Variants in CBFA2T3 observed in about 807,000 individuals in gnomAD.
CBFA2T3 encodes transcriptional corepressor CBFA2T3.
In CBFA2T3, 31 loss-of-function variants were observed where a neutral mutation model predicts 58.6. That is an observed-to-expected ratio of 0.53 (90% CI 0.40 to 0.71). The LOEUF is 0.71. CBFA2T3 is among the 30% of genes least tolerant of loss of function. CBFA2T3 has a pLI of 0.00. For synonymous variants in CBFA2T3, 531 were observed against 421.9 expected (o/e 1.26, Z -3.17); for missense variants, 1,076 against 963.1 (o/e 1.12, Z -1.55).
At chr16:88,894,263 G>A (rs1309707312) in intron 3 of CBFA2T3, among the ~76,000 whole-genome samples, 1 of 11,556 alleles carries the variant, frequency 8.7e-5, no homozygotes, top group African/African-American at 5.8e-4. Context: ...TGCACACAAT[G>A]TACACACATG....
chr16:88,969,657 C>T (rs189154314), intron 1 of CBFA2T3, among the ~76,000 whole-genome samples: 4 of 152,208 alleles, frequency 2.6e-5, no homozygotes, highest in East Asian at 1.9e-4. Flanking sequence ...GCCGGCCTGA[C>T]GACGCACAGA....
intron 1 of CBFA2T3, among the ~76,000 whole-genome samples, chr16:88,923,424 G>C (rs1393476885): frequency 1.3e-5 from 2 of 152,236 alleles, no homozygotes; most frequent in Admixed American, 1.3e-4. Flanking sequence ...GAGACCTCAA[G>C]CTGAGTGGGG....
chr16:88,891,013 C>G (rs11076734), intron 5 of CBFA2T3, among the ~76,000 whole-genome samples: 34,297 of 152,026 alleles, frequency 0.23, 4,209 homozygotes, highest in East Asian at 0.45. Flanking sequence ...AGGTTTGGGC[C>G]GGGCCGAGAG....
intron 1 of CBFA2T3, among the ~76,000 whole-genome samples, chr16:88,971,686 G>A (rs1307966464): frequency 1.3e-5 from 2 of 152,264 alleles, no homozygotes; most frequent in Non-Finnish European, 2.9e-5. Flanking sequence ...CCCAGCTGGA[G>A]TTCCTTCAAA....
At chr16:88,880,974 T>C (rs185572666) in intron 9 of CBFA2T3, 186 bp from the exon 10 acceptor site, 11 of 674,524 alleles carry the variant, frequency 1.6e-5, no homozygotes, top group East Asian at 1.6e-4. Context: ...ACGGGGGGCA[T>C]TGGAGCTGTG....
At chr16:88,948,747 TCA>T (rs1971970380) in intron 1 of CBFA2T3, among the ~76,000 whole-genome samples, 1 of 152,210 alleles carries the variant, frequency 6.6e-6, no homozygotes, top group South Asian at 2.1e-4. Context: ...TTGCCAAACC[TCA>T]GTTTTTCCTG....
At position 88,976,722 on chromosome 16, in the gene CBFA2T3, A is replaced by G; in HGVS notation, c.86T>C (p.Leu29Pro). The G allele has an allele frequency of 6.4e-7, 1 of 1,558,566 alleles. No homozygotes were observed. Among genetic ancestry groups the G allele is most frequent in the Non-Finnish European group, 8.7e-7 (1 of 1,151,208 alleles). Residue 29 changes from leucine (L) to proline (P), a missense_variant, in exon 1 of 12, where the codon CTG (leucine) becomes CCG (proline). Coordinates refer to ENST00000268679, the MANE Select transcript of CBFA2T3 (RefSeq NM_005187.6). The stretch of plus-strand genomic sequence containing the variant: ...GGCAGATGCCAGGAGGCCGCTCTCC[A>G]GCACAGGGTGCGTCTGGGACATGGA... ...CGSMSQTHPV[L>P]ESGLLASAGC... is the part of the protein sequence containing the mutation.
rs1013489606 is a variant in CBFA2T3, at chr16:88,953,134, G to A, written c.151+23523C>T. 2.6e-5 allele frequency among the ~76,000 whole-genome samples: 4 copies of A among 152,216 alleles called. No homozygotes were observed. The highest frequency in any genetic ancestry group is 5.9e-5 in the Non-Finnish European group (4 of 68,040). ...GGCCCCCAGTCCTGCTGGCCCCAGC[G>A]ATGACAGAGGAGGAGGAATGAGGAG... On this transcript the variant is annotated intron_variant, in intron 1 of 11. Coordinates refer to ENST00000268679, the MANE Select transcript of CBFA2T3 (RefSeq NM_005187.6). This position sits in a 1 kb window ranked among gnomAD's most constrained non-coding sequence, Gnocchi z 4.9.
At chr16:88,951,417 C>G (rs1272919921) in intron 1 of CBFA2T3, 2 of 429,800 alleles carry the variant, frequency 4.7e-6, no homozygotes, top group African/African-American at 2.0e-5. Context: ...TTAGCTGCGT[C>G]TTATTTTATT....
At chr16:88,965,674 C>T (rs970409459) in intron 1 of CBFA2T3, among the ~76,000 whole-genome samples, 6 of 152,324 alleles carry the variant, frequency 3.9e-5, no homozygotes, top group South Asian at 4.1e-4. Flanking sequence ...ATTTTAACAA[C>T]GTCTTGTCCA....
intron 5 of CBFA2T3, among the ~76,000 whole-genome samples, chr16:88,890,553 T>C (rs1392790815): frequency 6.6e-6 from 1 of 152,172 alleles, no homozygotes; most frequent in Non-Finnish European, 1.5e-5. Context: ...TCAGACACAT[T>C]TGGGGAACCT....
chr16:88,945,483 C>G (rs1739531740), intron 1 of CBFA2T3, among the ~76,000 whole-genome samples: 3 of 152,140 alleles, frequency 2.0e-5, no homozygotes, highest in African/African-American at 7.2e-5. Context: ...AAACAAACAG[C>G]CCCATTAAAA....
chr16:88,905,315 G>A (rs547012136), intron 1 of CBFA2T3, among the ~76,000 whole-genome samples: 22 of 152,216 alleles, frequency 1.4e-4, no homozygotes, highest in African/African-American at 5.3e-4. Flanking sequence ...CCAGTGCGGG[G>A]CTCAGGGCCA....
In CBFA2T3 at chr16:88,876,983, G is replaced by T; in HGVS notation, c.1955C>A (p.Pro652His). Residue 652 changes from proline (P) to histidine (H), a missense_variant, in exon 12 of 12, where the codon CCC (proline) becomes CAC (histidine). Pro to His is a moderately conservative substitution (Grantham distance 77, BLOSUM62 -2). Transcript: ENST00000268679. ...GGCCAGGGGCCAGTGGGGTCAGCGG[G>T]GCACGGTGTCCAGTGGGCCAGGTGG... The part of the protein sequence containing the change: ...PSPPGPLDTV[P>H]R The T allele has an allele frequency of 6.9e-7, 1 of 1,447,654 alleles. No individual in the cohort carries two copies. Among genetic ancestry groups the T allele is most frequent in the Non-Finnish European group, 9.0e-7 (1 of 1,105,972 alleles). 89.7% of individuals were successfully genotyped at this position (1,447,654 alleles called of 1,614,324 possible).
Position 88,876,317 on chromosome 16 carries a change from C to T in CBFA2T3, c.*659G>A, listed in dbSNP as rs1453259000. On this transcript the variant is annotated 3_prime_UTR_variant, in exon 12 of 12. Transcript: ENST00000268679. ...AAAAAAAAATCTGAAACCAAAAATGCATCTTGAGTCAGAAATCGAAATCTT... is the reference window on the plus strand; with the variant it reads ...AAAAAAAAATCTGAAACCAAAAATGTATCTTGAGTCAGAAATCGAAATCTT... The T allele has an allele frequency of 1.8e-5, 4 of 227,712 alleles. No individual in the cohort carries two copies. The highest frequency in any genetic ancestry group is 3.5e-5 in the Non-Finnish European group (4 of 114,630). 14.1% of individuals were successfully genotyped at this position (227,712 alleles called of 1,614,324 possible).
In CBFA2T3 at chr16:88,875,575, G is replaced by C. The variant is rs753227675; in HGVS notation, c.*1401C>G. On this transcript the variant is annotated 3_prime_UTR_variant, in exon 12 of 12. Transcript: ENST00000268679. ...GTAGCTGCGGTGGGGCGATGGGGCCGAGAGGTTGGAGTTGGGGCGATGGGG... is the reference window on the plus strand; with the variant it reads ...GTAGCTGCGGTGGGGCGATGGGGCCCAGAGGTTGGAGTTGGGGCGATGGGG... The C allele has an allele frequency of 1.7e-5, 4 of 233,702 alleles. No individual in the cohort carries two copies. The highest frequency in any genetic ancestry group is 8.9e-5 in the African/African-American group (4 of 45,182). 14.5% of individuals were successfully genotyped at this position (233,702 alleles called of 1,614,324 possible).
chr16:88,946,794 T>G (rs1971915193), intron 1 of CBFA2T3, among the ~76,000 whole-genome samples: 1 of 152,090 alleles, frequency 6.6e-6, no homozygotes, highest in Non-Finnish European at 1.5e-5. Flanking sequence ...TTTTTTTGTT[T>G]GTTTATTTTT....
In CBFA2T3 at chr16:88,905,065, C is replaced by T. The variant is rs117458677; in HGVS notation, c.152-3409G>A. On this transcript the variant is annotated intron_variant, in intron 1 of 11. Transcript: ENST00000268679. Reference sequence around the variant, plus strand: ...GGGTGAGTGTGGAAAGGTAGAGGAACAGCATTTGTGGCCAAGAGAACAGCC... The same window carrying T: ...GGGTGAGTGTGGAAAGGTAGAGGAATAGCATTTGTGGCCAAGAGAACAGCC... Among the ~76,000 whole-genome samples the T allele has an allele frequency of 4.7e-3, 719 of 151,962 alleles. 2 individuals carry two copies. The highest frequency in any genetic ancestry group is 8.0e-3 in the Non-Finnish European group (543 of 67,946).
Position 88,901,614 on chromosome 16 carries a change from G to T in CBFA2T3, c.194C>A (p.Ser65Tyr). ...RKAKASAMPD[S>Y]PAEVKTQPRS... Reference sequence around the variant, plus strand: ...GGGCTGCGTCTTCACCTCCGCTGGGGAGTCCGGCATCGCTGAGGCCTTAGC... The same window carrying T: ...GGGCTGCGTCTTCACCTCCGCTGGGTAGTCCGGCATCGCTGAGGCCTTAGC... Residue 65 changes from serine (S) to tyrosine (Y), a missense_variant, in exon 2 of 12, where the codon TCC (serine) becomes TAC (tyrosine). By Grantham distance (144) the Ser-to-Tyr change is moderately radical. Transcript: ENST00000268679. 1 of 1,524,620 alleles carries T rather than the reference G, an allele frequency of 6.6e-7. No individual in the cohort carries two copies. The highest frequency in any genetic ancestry group is 8.7e-7 in the Non-Finnish European group (1 of 1,148,450). 94.4% of individuals were successfully genotyped at this position (1,524,620 alleles called of 1,614,324 possible). A position where few individuals can be genotyped will look rare whatever the true frequency, so the allele number is the denominator to read the frequency against.
Sources: allele counts gnomAD v4.1 joint callset (sites outside exome capture counted in the v4.1 genomes callset), GRCh38; gene constraint gnomAD v4.1.1; non-coding constraint Gnocchi (gnomAD v3.1); transcripts MANE v1.5; gene names NCBI Gene and HGNC (gene_info 2026-07-23, HGNC 2026-07-21).